DNAH14: variants seen among roughly 807,000 people sequenced by gnomAD.
The protein encoded by DNAH14 is dynein axonemal heavy chain 14.
Under a neutral mutation model 520.9 loss-of-function variants are expected in DNAH14, and 478 were observed. The ratio of observed to expected loss-of-function variants is 0.92; its 90% CI spans 0.85 to 0.99. The LOEUF (loss-of-function observed/expected upper bound fraction) is 0.99. Ranked by LOEUF, DNAH14 falls within the 50% of genes least tolerant of loss-of-function variation. The pLI is 0.00. For synonymous variants in DNAH14, 1,581 were observed against 1,757.2 expected, an observed-to-expected ratio of 0.90 and a Z score of 2.51; for missense variants, 4,831 against 5,234.5, an observed-to-expected ratio of 0.92 and a Z score of 2.38.
intron 22 of DNAH14, 29 bp downstream of exon 22, chr1:225,097,268 G>C (rs996401482): frequency 6.7e-7 from 1 of 1,499,434 alleles, no homozygotes; most frequent in East Asian, 2.5e-5. Flanking sequence ...ACCATATACA[G>C]GTTCAAAATG....
intron 77 of DNAH14, among the ~76,000 whole-genome samples, chr1:225,369,284 A>G (rs1462216923): frequency 2.6e-5 from 4 of 152,188 alleles, no homozygotes; most frequent in Non-Finnish European, 5.9e-5. Flanking sequence ...TTCTCTCAAT[A>G]AAAGGCAAGA....
At chr1:225,186,603 G>A (rs1283273913) in intron 37 of DNAH14, among the ~76,000 whole-genome samples, 1 of 151,648 alleles carries the variant, frequency 6.6e-6, no homozygotes, top group Non-Finnish European at 1.5e-5. Flanking sequence ...ACAGTAAAAT[G>A]TGAAAACGTA....
At chr1:224,936,883 A>T (rs1020412453) in intron 1 of DNAH14, among the ~76,000 whole-genome samples, 4 of 152,020 alleles carry the variant, frequency 2.6e-5, no homozygotes, top group Non-Finnish European at 4.4e-5. Context: ...ATCAATTGAG[A>T]TTCTTCCCAG....
rs1261524656 is a variant in DNAH14, at chr1:225,335,391, A to G, written c.10081-1875A>G. On this transcript the variant is annotated intron_variant, in intron 66 of 85. Coordinates refer to ENST00000682510, the MANE Select transcript of DNAH14 (RefSeq NM_001367479.1). ...TACATGTGTGTGTATATGCACATAT[A>G]CACATGTGTACATGTGTGTGTATGC... 3.0e-4 allele frequency among the ~76,000 whole-genome samples: 26 copies of G among 85,910 alleles called. 2 individuals carry two copies. Among genetic ancestry groups the G allele is most frequent in the East Asian group, 1.7e-3 (3 of 1,782 alleles). 56.4% of individuals were successfully genotyped at this position (85,910 alleles called of 152,430 possible).
Position 225,216,153 on chromosome 1 carries a change from G to A in DNAH14, c.6439+8933G>A, listed in dbSNP as rs1015980721. 1.8e-4 allele frequency among the ~76,000 whole-genome samples: 27 copies of A among 152,194 alleles called. No homozygotes were observed. The East Asian group carries it at 3.9e-3, about 22-fold the overall frequency. On this transcript the variant is annotated intron_variant, in intron 41 of 85. Coordinates refer to ENST00000682510, the MANE Select transcript of DNAH14 (RefSeq NM_001367479.1). ...AGGATTTTATTTCTCCTTCACTTACGAAGCTTAGTTTGGCTGGATATGAAA... is the reference window on the plus strand; with the variant it reads ...AGGATTTTATTTCTCCTTCACTTACAAAGCTTAGTTTGGCTGGATATGAAA...
Position 225,358,549 on chromosome 1 carries a change from T to C in DNAH14, c.11673T>C (p.Thr3891=), listed in dbSNP as rs897365596. ...SLNNSVRKFI[T]EKMGNKYLQR... ...ACAATTCAGTGAGAAAGTTTATAAC[T>C]GAAAAAATGGGAAATAAGTATCTTC... Residue 3891 remains threonine, a synonymous_variant, in exon 74 of 86, where the codon ACT becomes ACC. Coordinates refer to ENST00000682510, the MANE Select transcript of DNAH14 (RefSeq NM_001367479.1). 7.8e-6 allele frequency: 12 copies of C among 1,548,144 alleles called. No individual in the cohort carries two copies. The Admixed American group carries it at 1.2e-4, about 15-fold the overall frequency.
At chr1:225,335,660 TAC>T (rs1178723541) in intron 66 of DNAH14, among the ~76,000 whole-genome samples, 1 of 120,866 alleles carries the variant, frequency 8.3e-6, no homozygotes, top group African/African-American at 3.5e-5. Context: ...TACGCATATA[TAC>T]ATATGTGCAT....
rs561241154 is a variant in DNAH14 at position 225,043,930 on chromosome 1, T to G, written c.1859T>G (p.Leu620Trp). 2 of 1,526,258 alleles carry G rather than the reference T, an allele frequency of 1.3e-6. No homozygotes were observed. Among genetic ancestry groups the G allele is most frequent in the Non-Finnish European group, 1.8e-6 (2 of 1,129,868 alleles). The allele number at this position is 1,526,258 out of a possible 1,614,324, so 94.5% of individuals were successfully genotyped here. ...AATCTCTTTATAGATCCCAACAGAT[T>G]GGAGTTTTCAGTAAAAATTCAAAAT... Reference protein sequence around the residue: ...PTNLFIDPNRLEFSVKIQNML... With the variant: ...PTNLFIDPNRWEFSVKIQNML... Residue 620 changes from leucine to tryptophan, a missense_variant, in exon 15 of 86, where the codon TTG (leucine) becomes TGG (tryptophan). Leu to Trp is a moderately conservative substitution (Grantham distance 61). Transcript: ENST00000682510.
intron 73 of DNAH14, among the ~76,000 whole-genome samples, chr1:225,355,277 TA>T (rs2095417674): frequency 6.6e-6 from 1 of 152,230 alleles, no homozygotes; most frequent in East Asian, 1.9e-4. Context: ...TTTTTTATTT[TA>T]TTTTTTTAAT....
chr1:225,283,324 G>T (rs949719126), intron 54 of DNAH14, among the ~76,000 whole-genome samples: 3 of 151,764 alleles, frequency 2.0e-5, no homozygotes, highest in African/African-American at 7.3e-5. Flanking sequence ...GGCTGAAAAT[G>T]AAAGGATGGA....
chr1:225,322,572 TA>T, intron 61 of DNAH14, 91 bp from the exon 62 acceptor site: 1 of 1,239,078 alleles, frequency 8.1e-7, no homozygotes, highest in Non-Finnish European at 1.1e-6. Flanking sequence ...AAATGTGTGT[TA>T]AAAATCTGTG....
chr1:225,303,496 C>G, intron 57 of DNAH14, 149 bp downstream of exon 57: 1 of 662,060 alleles, frequency 1.5e-6, no homozygotes, highest in Non-Finnish European at 2.5e-6. Flanking sequence ...CAATGACTCC[C>G]TATTAATTCC....
At chr1:225,291,920 T>G (rs370690740) in intron 55 of DNAH14, among the ~76,000 whole-genome samples, 1 of 152,110 alleles carries the variant, frequency 6.6e-6, no homozygotes, top group African/African-American at 2.4e-5. Flanking sequence ...AATCAGGTTT[T>G]GTTTTGTTTT....
Position 225,369,375 on chromosome 1 carries a change from T to C in DNAH14, c.12318+1343T>C, listed in dbSNP as rs183844631. ...TGAAATTAATGAAGAAATTTTGAAA[T>C]TATCAAGAAAATAAAAAAGAAGAAA... On this transcript the variant is annotated intron_variant, in intron 77 of 85. Transcript: ENST00000682510. 1.5e-3 allele frequency among the ~76,000 whole-genome samples: 228 copies of C among 151,956 alleles called. 1 individual carries two copies. Among genetic ancestry groups the C allele is most frequent in the African/African-American group, 5.0e-3 (207 of 41,488 alleles).
At position 225,380,308 on chromosome 1, in the gene DNAH14, C is replaced by T; in HGVS notation, c.12866C>T (p.Ser4289Phe). ...MMSSSIWESLSKNLKDHDPLI... is the reference protein window; with the variant it reads ...MMSSSIWESLFKNLKDHDPLI... ...TCAAGCTCCATTTGGGAGTCTCTTT[C>T]TAAAAATCTCAAAGGTGAGCATGGG... Residue 4289 changes from serine (S) to phenylalanine (F), a missense_variant, in exon 80 of 86, where the codon TCT (serine) becomes TTT (phenylalanine). By Grantham distance (155) the Ser-to-Phe change is radical. Coordinates refer to ENST00000682510, the MANE Select transcript of DNAH14 (RefSeq NM_001367479.1). The T allele has an allele frequency of 3.2e-6, 5 of 1,551,270 alleles. No homozygotes were observed. In the South Asian group the frequency reaches 6.0e-5, roughly 18 times the overall value.
At position 224,968,802 on chromosome 1, in the gene DNAH14, C is replaced by T; in HGVS notation, c.695C>T (p.Pro232Leu). ...AGTGTAAAGGAAGTAGAACTCATAC[C>T]TACTTTGGAATGGCTATCAGAAAGA... is the stretch of plus-strand genomic sequence containing the variant. ...VGSVKEVELIPTLEWLSERRH... is the reference protein window; with the variant it reads ...VGSVKEVELILTLEWLSERRH... The change falls in exon 7 of 86, where the codon CCT (proline) becomes CTT (leucine). Residue 232 changes from proline to leucine, a missense_variant. By Grantham distance (98) the Pro-to-Leu change is moderately conservative (BLOSUM62 -3). Coordinates refer to ENST00000682510, the MANE Select transcript of DNAH14 (RefSeq NM_001367479.1). 12 of 1,537,606 alleles carry T rather than the reference C, an allele frequency of 7.8e-6. No individual in the cohort carries two copies. The highest frequency in any genetic ancestry group is 1.1e-5 in the Non-Finnish European group (12 of 1,141,342).
chr1:225,053,883 A>G (rs1014621772), intron 17 of DNAH14, among the ~76,000 whole-genome samples: 1 of 152,208 alleles, frequency 6.6e-6, no homozygotes, highest in South Asian at 2.1e-4. Flanking sequence ...ATCAGAAACA[A>G]GTGGTTGTTG....
At chr1:225,238,282 C>T (rs1260571458) in intron 42 of DNAH14, among the ~76,000 whole-genome samples, 1 of 152,122 alleles carries the variant, frequency 6.6e-6, no homozygotes, top group African/African-American at 2.4e-5. Flanking sequence ...TGCTGACCTT[C>T]GAGTGGGGTT....
At chr1:224,989,691 A>T (rs1279761890) in intron 8 of DNAH14, among the ~76,000 whole-genome samples, 1 of 152,166 alleles carries the variant, frequency 6.6e-6, no homozygotes, top group African/African-American at 2.4e-5. Context: ...TGTTAGCTGT[A>T]GACTTTTGTC....
Sources: allele counts gnomAD v4.1 joint callset (sites outside exome capture counted in the v4.1 genomes callset), GRCh38; gene constraint gnomAD v4.1.1; transcripts MANE v1.5; gene names NCBI Gene and HGNC (gene_info 2026-07-23, HGNC 2026-07-21).